The following CFAP43 variants were observed in gnomAD, a reference collection of about 807,000 sequenced individuals.
CFAP43 encodes the protein cilia and flagella associated protein 43.
In CFAP43, 155 loss-of-function variants were observed where a neutral mutation model predicts 218.9. The ratio of observed to expected loss-of-function variants is 0.71; its 90% CI spans 0.62 to 0.81. CFAP43 has a LOEUF of 0.81. Ranked by LOEUF, CFAP43 falls within the 30% of genes least tolerant of loss-of-function variation. The pLI is 0.00. For synonymous variants in CFAP43, 645 were observed against 681.3 expected, an observed-to-expected ratio of 0.95 and a Z score of 0.83; for missense variants, 1,778 against 1,954.3, an observed-to-expected ratio of 0.91 and a Z score of 1.70.
intron 1 of CFAP43, among the ~76,000 whole-genome samples, chr10:104,231,582 T>A (rs1311035484): frequency 6.6e-6 from 1 of 152,160 alleles, no homozygotes; most frequent in Non-Finnish European, 1.5e-5. Context: ...CCTCGAGACA[T>A]TAGAGTGTCC....
rs1339396694 is a variant in CFAP43 at position 104,186,044 on chromosome 10, G to A, written c.1940C>T (p.Ser647Phe). The change falls in exon 15 of 38, where the codon TCT becomes TTT. Residue 647 changes from serine (S) to phenylalanine (F), a missense_variant. Ser to Phe is a radical substitution (Grantham distance 155). Transcript: ENST00000357060. ...RQYGPGLLYLSSHGLWLITIA... is the reference protein window; with the variant it reads ...RQYGPGLLYLFSHGLWLITIA... ...TGTTATGAGCCACAATCCATGTGAA[G>A]ACAGATAGAGCAGTCCAGGTCCATA... 12 of 1,609,862 alleles carry A rather than the reference G, an allele frequency of 7.5e-6. No individual in the cohort carries two copies. Among genetic ancestry groups the A allele is most frequent in the Non-Finnish European group, 1.0e-5 (12 of 1,178,882 alleles).
At chr10:104,188,159 T>C in intron 13 of CFAP43, 111 bp downstream of exon 13, 1 of 1,339,454 alleles carries the variant, frequency 7.5e-7, no homozygotes, top group Non-Finnish European at 1.0e-6. Context: ...AGACAAAAGG[T>C]GGCCATTTTA....
rs200783624 is a variant in CFAP43 at position 104,145,504 on chromosome 10, G to C, written c.3916C>G (p.Leu1306Val). 6.2e-7 allele frequency: 1 copy of C among 1,605,218 alleles called. No homozygotes were observed. The highest frequency in any genetic ancestry group is 1.1e-5 in the South Asian group (1 of 90,210). The change falls in exon 31 of 38, where the codon CTC becomes GTC. Residue 1306 changes from leucine to valine, a missense_variant. By Grantham distance (32) the Leu-to-Val change is conservative. Coordinates refer to ENST00000357060, the MANE Select transcript of CFAP43 (RefSeq NM_025145.7). ...GGTCGGCGTTTAAAAAGTTTGTAGA[G>C]TATATCCACTTGATGACCAGGAATT... ...SEIPGHQVDILYKLFKRRPRI... is the reference protein window; with the variant it reads ...SEIPGHQVDIVYKLFKRRPRI...
chr10:104,198,896 C>T (rs963164597), intron 8 of CFAP43, among the ~76,000 whole-genome samples: 1 of 152,184 alleles, frequency 6.6e-6, no homozygotes, highest in South Asian at 2.1e-4. Flanking sequence ...AGTAATCCCC[C>T]CTCCTCGACC....
chr10:104,146,638 G>C (rs9887982), intron 29 of CFAP43, among the ~76,000 whole-genome samples: 6,818 of 152,164 alleles, frequency 0.045, 505 homozygotes, highest in African/African-American at 0.15. Context: ...AAGTGCACAG[G>C]CTTCGGAATC....
intron 35 of CFAP43, among the ~76,000 whole-genome samples, chr10:104,132,996 G>T (rs2087267671): frequency 6.6e-6 from 1 of 152,222 alleles, no homozygotes; most frequent in African/African-American, 2.4e-5. Flanking sequence ...AAGGTTTTAT[G>T]AAGGAGAAGG....
intron 10 of CFAP43, among the ~76,000 whole-genome samples, chr10:104,194,439 G>A (rs552565834): frequency 6.6e-6 from 1 of 152,056 alleles, no homozygotes; most frequent in African/African-American, 2.4e-5. Flanking sequence ...TTAGCGATGG[G>A]GTCTTCCTCT....
intron 23 of CFAP43, 99 bp from the exon 24 acceptor site, chr10:104,164,399 ATTT>A (rs61636691): frequency 7.6e-4 from 606 of 793,874 alleles, no homozygotes; most frequent in East Asian, 9.0e-4. Context: ...CATTCCACAA[ATTT>A]TTTTTTTTTT....
chr10:104,200,171 T>C (rs1444768153), intron 8 of CFAP43, among the ~76,000 whole-genome samples: 1 of 152,220 alleles, frequency 6.6e-6, no homozygotes, highest in Non-Finnish European at 1.5e-5. Context: ...TTTAGATGAA[T>C]GCACACTTGC....
At chr10:104,136,344 A>G (rs565448001) in intron 34 of CFAP43, among the ~76,000 whole-genome samples, 6 of 149,420 alleles carry the variant, frequency 4.0e-5, no homozygotes, top group African/African-American at 1.5e-4. Flanking sequence ...ATTCTTAGAT[A>G]TTTACTTATT....
At chr10:104,159,402 G>A (rs972999001) in intron 27 of CFAP43, among the ~76,000 whole-genome samples, 1 of 152,096 alleles carries the variant, frequency 6.6e-6, no homozygotes, top group Non-Finnish European at 1.5e-5. Context: ...AATAAGATGA[G>A]AGATGTATAC....
intron 12 of CFAP43, among the ~76,000 whole-genome samples, chr10:104,191,789 T>TGG (rs34617952): frequency 6.9e-6 from 1 of 145,878 alleles, no homozygotes; most frequent in Non-Finnish European, 1.5e-5. Context: ...ATTGTGTGTG[T>TGG]GGGGGGGGGG....
Position 104,232,214 on chromosome 10 carries a change from G to C in CFAP43, c.33C>G (p.Pro11=), listed in dbSNP as rs1345435990. The change falls in exon 1 of 38, where the codon CCC becomes CCG. Residue 11 remains proline, a synonymous_variant. Transcript: ENST00000357060. The stretch of plus-strand genomic sequence containing the variant: ...ACAAGGACGCGCCGCCGGCGGAGTG[G>C]GGGCCTTCGTCGCGCTCCCGGCCTT... MAQGRERDEG[P]HSAGGASLSV... 1.9e-6 allele frequency: 3 copies of C among 1,609,420 alleles called. No individual in the cohort carries two copies. Among genetic ancestry groups the C allele is most frequent in the Non-Finnish European group, 2.5e-6 (3 of 1,178,692 alleles).
At chr10:104,168,947 C>T in intron 20 of CFAP43, 99 bp from the exon 21 acceptor site, 1 of 921,148 alleles carries the variant, frequency 1.1e-6, no homozygotes, top group Non-Finnish European at 1.7e-6. Flanking sequence ...TTAACTGCAC[C>T]TTCAGTGGTA....
chr10:104,225,698 G>A (rs1447453874), intron 2 of CFAP43, 141 bp from the exon 3 acceptor site: 6 of 690,358 alleles, frequency 8.7e-6, no homozygotes, highest in South Asian at 6.8e-5. Flanking sequence ...AAAGATCCTG[G>A]CTAATTTCTA....
chr10:104,227,933 G>A (rs1369612429), intron 2 of CFAP43, among the ~76,000 whole-genome samples: 1 of 128,154 alleles, frequency 7.8e-6, no homozygotes, highest in Non-Finnish European at 1.6e-5. Flanking sequence ...TGCAACCTCC[G>A]CCTCCCGGGT....
intron 35 of CFAP43, among the ~76,000 whole-genome samples, chr10:104,133,299 G>T (rs2134727118): frequency 6.6e-6 from 1 of 152,270 alleles, no homozygotes; most frequent in Admixed American, 6.5e-5. Context: ...ATGACATGTT[G>T]GAAGCAAAAT....
chr10:104,203,178 T>C (rs2090582230), intron 8 of CFAP43, among the ~76,000 whole-genome samples: 1 of 152,220 alleles, frequency 6.6e-6, no homozygotes. Context: ...GACTTAGGCC[T>C]GGCCAATCAG....
rs2090423528 is a variant in CFAP43, at chr10:104,197,905, A to T, written c.1212+17T>A. ...CGTATCTTTAGTCCTACTGTGACACAGTAAAATATTCTTTACCATGAAGTA... is the reference window on the plus strand; with the variant it reads ...CGTATCTTTAGTCCTACTGTGACACTGTAAAATATTCTTTACCATGAAGTA... On this transcript the variant is annotated intron_variant, in intron 9 of 37. Transcript: ENST00000357060. 1 of 1,493,748 alleles carries T rather than the reference A, an allele frequency of 6.7e-7. No individual in the cohort carries two copies. The highest frequency in any genetic ancestry group is 9.3e-7 in the Non-Finnish European group (1 of 1,074,010). 92.5% of individuals were successfully genotyped at this position (1,493,748 alleles called of 1,614,324 possible).
Sources: gnomAD v4.1 joint callset for allele counts (sites outside exome capture counted in the v4.1 genomes callset) on GRCh38, gnomAD v4.1.1 for gene constraint, MANE v1.5 for transcripts, NCBI Gene and HGNC (gene_info 2026-07-23, HGNC 2026-07-21) for gene names.